Variants in ENPP3 observed in about 807,000 individuals in gnomAD.
ENPP3 encodes ectonucleotide pyrophosphatase/phosphodiesterase family member 3.
A neutral mutation model predicts 117.8 loss-of-function variants in ENPP3; 104 were observed. The ratio of observed to expected loss-of-function variants is 0.88; its 90% CI spans 0.75 to 1.04. ENPP3 has a LOEUF of 1.04. Ranked by LOEUF, ENPP3 falls within the 50% of genes least tolerant of loss-of-function variation. The pLI is 0.00. For missense variants in ENPP3, 1,026 were observed against 1,051.9 expected, an observed-to-expected ratio of 0.98 and a Z score of 0.34; for synonymous variants, 380 against 349.9, an observed-to-expected ratio of 1.09 and a Z score of -0.96.
In ENPP3 at chr6:131,650,211, A is replaced by T. The variant is rs55972472; in HGVS notation, c.277+62A>T. ...TTGTGTTACTATTAATACATGTCAA[A>T]TTTTTTTCTTTTCTTTCCTTTTTTT... On this transcript the variant is annotated intron_variant, in intron 3 of 24. Transcript: ENST00000357639. 8.0e-4 allele frequency: 1,262 copies of T among 1,586,528 alleles called. 1 individual carries two copies. The highest frequency in any genetic ancestry group is 1.0e-3 in the Non-Finnish European group (1,182 of 1,159,710).
intron 15 of ENPP3, among the ~76,000 whole-genome samples, chr6:131,699,148 G>T (rs1779471269): frequency 7.6e-6 from 1 of 131,176 alleles, no homozygotes; most frequent in South Asian, 2.6e-4. Flanking sequence ...TGAGGCAGGA[G>T]AATTGTTTCA....
intron 20 of ENPP3, among the ~76,000 whole-genome samples, chr6:131,728,196 A>G (rs1049363247): frequency 6.6e-6 from 1 of 152,042 alleles, no homozygotes; most frequent in Admixed American, 6.5e-5. Flanking sequence ...AATAACTTCT[A>G]TTTTGTTATT....
chr6:131,719,730 T>C (rs144151889), intron 16 of ENPP3, among the ~76,000 whole-genome samples: 4 of 152,158 alleles, frequency 2.6e-5, no homozygotes, highest in Non-Finnish European at 5.9e-5. Flanking sequence ...CTAAAATAAT[T>C]TGATCTGTTA....
At chr6:131,654,716 T>C (rs2114325362) in intron 5 of ENPP3, among the ~76,000 whole-genome samples, 1 of 152,048 alleles carries the variant, frequency 6.6e-6, no homozygotes, top group South Asian at 2.1e-4. Flanking sequence ...GTGCTGGGAT[T>C]ACAGGCAAGA....
At position 131,677,974 on chromosome 6, in the gene ENPP3, A is replaced by G. The variant is rs201641377; in HGVS notation, c.1011+34A>G. The stretch of plus-strand genomic sequence containing the variant: ...TTGTTTTCTTAAAAGAAAAAAAAAA[A>G]TGTAAAATCATCTAACCCTAACCCA... On this transcript the variant is annotated intron_variant, in intron 11 of 24. Coordinates refer to ENST00000357639, the MANE Select transcript of ENPP3 (RefSeq NM_005021.5). The G allele has an allele frequency of 3.1e-3, 4,041 of 1,311,428 alleles. 19 individuals are homozygous for G. The highest frequency in any genetic ancestry group is 3.8e-3 in the Non-Finnish European group (3,432 of 913,710). The allele number at this position is 1,311,428 out of a possible 1,614,324, so 81.2% of individuals were successfully genotyped here. A position where few individuals can be genotyped will look rare whatever the true frequency, so the allele number is the denominator to read the frequency against.
At chr6:131,733,800 T>C (rs1351080244) in intron 21 of ENPP3, 77 bp downstream of exon 21, 2 of 1,464,746 alleles carry the variant, frequency 1.4e-6, no homozygotes, top group Non-Finnish European at 9.4e-7. Flanking sequence ...CTTAAACATA[T>C]ACTCCCCACC....
In ENPP3 at chr6:131,665,577, A is replaced by G. The variant is rs150877428; in HGVS notation, c.563-5671A>G. ...AAGAACCTTTTATATCTGCAGTATCAATTGTAATGTCTCCTCTTTCTGATT... is the reference window on the plus strand; with the variant it reads ...AAGAACCTTTTATATCTGCAGTATCGATTGTAATGTCTCCTCTTTCTGATT... On this transcript the variant is annotated intron_variant, in intron 6 of 24. Transcript: ENST00000357639. 3.6e-3 allele frequency among the ~76,000 whole-genome samples: 554 copies of G among 152,168 alleles called. 6 individuals are homozygous for G. The highest frequency in any genetic ancestry group is 2.9e-3 in the Non-Finnish European group (198 of 67,958).
At chr6:131,697,909 C>G (rs1159016361) in intron 15 of ENPP3, among the ~76,000 whole-genome samples, 2 of 152,054 alleles carry the variant, frequency 1.3e-5, no homozygotes, top group Non-Finnish European at 1.5e-5. Flanking sequence ...CCCATTCAGC[C>G]CCAAGGGAGC....
At chr6:131,640,547 T>C (rs1778019334) in intron 1 of ENPP3, among the ~76,000 whole-genome samples, 1 of 152,064 alleles carries the variant, frequency 6.6e-6, no homozygotes, top group South Asian at 2.1e-4. Flanking sequence ...AAAACAATCC[T>C]CAAAAAAATA....
At chr6:131,701,351 G>A (rs1399240639) in intron 15 of ENPP3, 7 of 1,613,554 alleles carry the variant, frequency 4.3e-6, no homozygotes, top group Non-Finnish European at 5.1e-6. Context: ...TTGGGCCAAC[G>A]GGAAATCCCA....
chr6:131,666,060 G>A (rs1223290714), intron 6 of ENPP3, among the ~76,000 whole-genome samples: 1 of 151,948 alleles, frequency 6.6e-6, no homozygotes, highest in East Asian at 1.9e-4. Context: ...CATTGTAGTT[G>A]GAGAAAATAC....
intron 11 of ENPP3, among the ~76,000 whole-genome samples, chr6:131,682,351 A>G (rs1489415124): frequency 6.6e-6 from 1 of 152,034 alleles, no homozygotes; most frequent in Non-Finnish European, 1.5e-5. Flanking sequence ...AGAATTAGCC[A>G]GGCATGATGG....
chr6:131,712,976 A>G (rs1244777210), intron 15 of ENPP3, among the ~76,000 whole-genome samples: 2 of 145,384 alleles, frequency 1.4e-5, no homozygotes, highest in African/African-American at 5.3e-5. Context: ...CCCATCTTGA[A>G]TTGTAGCTTG....
In ENPP3 at chr6:131,637,427, A is replaced by G; in HGVS notation, c.43A>G (p.Lys15Glu). The G allele has an allele frequency of 1.3e-6, 2 of 1,595,928 alleles. No individual in the cohort carries two copies. Among genetic ancestry groups the G allele is most frequent in the Non-Finnish European group, 1.7e-6 (2 of 1,170,988 alleles). Reference sequence around the variant, plus strand: ...TTTAGCAACGGAACAACCTGTTAAGAAGAACACTCTTAAGAAATATAAAAT... The same window carrying G: ...TTTAGCAACGGAACAACCTGTTAAGGAGAACACTCTTAAGAAATATAAAAT... ...LTLATEQPVKKNTLKKYKIAC... is the reference protein window; with the variant it reads ...LTLATEQPVKENTLKKYKIAC... Residue 15 changes from lysine (K) to glutamate (E), a missense_variant, in exon 1 of 25, where the codon AAG becomes GAG. Transcript: ENST00000357639.
chr6:131,687,653 C>A (rs750735522), intron 14 of ENPP3, among the ~76,000 whole-genome samples: 11 of 151,876 alleles, frequency 7.2e-5, no homozygotes, highest in Non-Finnish European at 1.2e-4. Flanking sequence ...AATCAACAAG[C>A]AAAAAACAAA....
At chr6:131,648,938 C>CA (rs1378831529) in intron 2 of ENPP3, among the ~76,000 whole-genome samples, 4 of 152,164 alleles carry the variant, frequency 2.6e-5, no homozygotes, top group African/African-American at 9.7e-5. Flanking sequence ...GCTTCAGACT[C>CA]AAATATTCAG....
intron 15 of ENPP3, among the ~76,000 whole-genome samples, chr6:131,696,983 A>T (rs1734281798): frequency 1.3e-5 from 2 of 151,944 alleles, no homozygotes; most frequent in Admixed American, 6.6e-5. Flanking sequence ...GTTAGCCAGG[A>T]TGGTCTCAAT....
chr6:131,719,897 C>T (rs941571352), intron 16 of ENPP3, among the ~76,000 whole-genome samples: 1 of 151,862 alleles, frequency 6.6e-6, no homozygotes, highest in Non-Finnish European at 1.5e-5. Context: ...TTAACATATT[C>T]GATTAACATA....
chr6:131,697,438 G>C (rs1342430666), intron 15 of ENPP3, among the ~76,000 whole-genome samples: 1 of 144,144 alleles, frequency 6.9e-6, no homozygotes, highest in African/African-American at 2.5e-5. Flanking sequence ...GGGCGGGAAG[G>C]GGGGGTGGTT....
Sources: allele counts gnomAD v4.1 joint callset (sites outside exome capture counted in the v4.1 genomes callset), GRCh38; gene constraint gnomAD v4.1.1; transcripts MANE v1.5; gene names NCBI Gene and HGNC (gene_info 2026-07-23, HGNC 2026-07-21).